Variants in HIVEP3 observed in about 807,000 individuals in gnomAD.
The protein encoded by HIVEP3 is transcription factor HIVEP3.
A neutral mutation model predicts 152.8 loss-of-function variants in HIVEP3; 49 were observed. The ratio of observed to expected loss-of-function variants is 0.32; its 90% CI spans 0.26 to 0.41. The LOEUF is 0.41. Among genes scored for constraint, HIVEP3 ranks in the 10% least tolerant of loss-of-function variants. The probability of loss-of-function intolerance (pLI) is 1.00; values close to 1 mark genes in which losing one functional copy is unlikely to be tolerated. For missense variants in HIVEP3, 2,790 were observed against 3,103.3 expected (o/e 0.90, Z 2.40); for synonymous variants, 1,269 against 1,289.0 (o/e 0.98, Z 0.33).
At chr1:41,817,467 G>T (rs1043443668) in intron 1 of HIVEP3, among the ~76,000 whole-genome samples, 3 of 152,168 alleles carry the variant, frequency 2.0e-5, no homozygotes, top group African/African-American at 7.2e-5. Context: ...GGTTCCTTAC[G>T]TGGGATGCTG....
At chr1:41,772,159 A>G (rs1230606716) in intron 1 of HIVEP3, among the ~76,000 whole-genome samples, 1 of 152,162 alleles carries the variant, frequency 6.6e-6, no homozygotes, top group Non-Finnish European at 1.5e-5. Flanking sequence ...AGGGTTGTGC[A>G]TTCACTCTTT....
intron 2 of HIVEP3, among the ~76,000 whole-genome samples, chr1:41,667,497 A>C (rs1645813618): frequency 6.6e-6 from 1 of 152,254 alleles, no homozygotes; most frequent in South Asian, 2.1e-4. Context: ...GGAAATCAGA[A>C]GATTAGTCAA....
In HIVEP3 at chr1:41,645,941, G is replaced by C. The variant is rs190275615; in HGVS notation, c.-720-16994C>G. Among the ~76,000 whole-genome samples the C allele has an allele frequency of 1.7e-4, 26 of 152,144 alleles. No homozygotes were observed. The East Asian group carries it at 5.0e-3, about 29-fold the overall frequency. On this transcript the variant is annotated intron_variant, in intron 2 of 8. Transcript: ENST00000372583. Reference sequence around the variant, plus strand: ...TTTACTCTCCATGCCACATTTGCACGACCCCGAGGAAAAGCACCTCCTTAA... The same window carrying C: ...TTTACTCTCCATGCCACATTTGCACCACCCCGAGGAAAAGCACCTCCTTAA...
intron 1 of HIVEP3, among the ~76,000 whole-genome samples, chr1:41,788,578 A>G (rs1020108703): frequency 6.6e-6 from 1 of 151,658 alleles, no homozygotes; most frequent in Non-Finnish European, 1.5e-5. Context: ...GGGCAAGCCC[A>G]TTTGCTACAG....
chr1:41,697,411 A>G (rs920008248), intron 2 of HIVEP3, among the ~76,000 whole-genome samples: 1 of 152,230 alleles, frequency 6.6e-6, no homozygotes, highest in African/African-American at 2.4e-5. Context: ...TGAGTTTTGA[A>G]TTATTTCCTG....
Position 41,857,183 on chromosome 1 carries a change from C to T in HIVEP3, c.-801+61230G>A, listed in dbSNP as rs1323309153. ...TCCAAACTGGCCATCCAGCCCTCCT[C>T]CCCCATTCCACAAGAGGCCCCTCTC... On this transcript the variant is annotated intron_variant, in intron 1 of 8. Transcript: ENST00000372583. Among the ~76,000 whole-genome samples, 6 of 152,168 alleles carry T rather than the reference C, an allele frequency of 3.9e-5. No individual in the cohort carries two copies. In the East Asian group the frequency reaches 5.8e-4, roughly 15 times the overall value.
chr1:42,020,153 T>C (rs1645545529), intron 1 of HIVEP3, among the ~76,000 whole-genome samples: 6 of 152,128 alleles, frequency 3.9e-5, no homozygotes, highest in Admixed American at 3.3e-4. Flanking sequence ...GAGTTTGGTC[T>C]TTAATTTTCT....
chr1:41,571,426 A>C (rs1343279829), intron 5 of HIVEP3, among the ~76,000 whole-genome samples: 1 of 152,206 alleles, frequency 6.6e-6, no homozygotes, highest in African/African-American at 2.4e-5. Context: ...GAGCCATCAC[A>C]TCCCTGATGG....
At chr1:41,634,110 G>A (rs1185493594) in intron 2 of HIVEP3, among the ~76,000 whole-genome samples, 1 of 147,046 alleles carries the variant, frequency 6.8e-6, no homozygotes, top group Middle Eastern at 3.2e-3. Flanking sequence ...CACCACCCAC[G>A]CATCTTTTCT....
intron 1 of HIVEP3, among the ~76,000 whole-genome samples, chr1:41,702,410 G>A (rs1454947312): frequency 1.3e-5 from 2 of 151,984 alleles, no homozygotes; most frequent in African/African-American, 2.4e-5. Context: ...TCTTTCTTTG[G>A]TTCATGCCCA....
chr1:41,787,814 C>T (rs1405232015), intron 1 of HIVEP3, among the ~76,000 whole-genome samples: 3 of 151,870 alleles, frequency 2.0e-5, no homozygotes, highest in Admixed American at 6.6e-5. Flanking sequence ...CAATTACAGG[C>T]GTAAGCCTCT....
chr1:41,869,352 A>T (rs780614920), intron 1 of HIVEP3, among the ~76,000 whole-genome samples: 1 of 152,190 alleles, frequency 6.6e-6, no homozygotes, highest in African/African-American at 2.4e-5. Flanking sequence ...ACTAAAGGTG[A>T]CTGCCTTCCT....
chr1:41,545,214 A>T, intron 5 of HIVEP3, among the ~76,000 whole-genome samples: 1 of 133,562 alleles, frequency 7.5e-6, no homozygotes, highest in African/African-American at 2.9e-5. Flanking sequence ...CACTATCGCC[A>T]CCACCACCAT....
At chr1:41,657,780 C>A (rs945802714) in intron 2 of HIVEP3, among the ~76,000 whole-genome samples, 1 of 152,180 alleles carries the variant, frequency 6.6e-6, no homozygotes, top group African/African-American at 2.4e-5. Flanking sequence ...ATATAAACTC[C>A]GGTCTGTGGG....
intron 1 of HIVEP3, among the ~76,000 whole-genome samples, chr1:41,988,254 G>A (rs927158780): frequency 1.3e-5 from 2 of 152,112 alleles, no homozygotes; most frequent in Admixed American, 1.3e-4. Flanking sequence ...ACACTATAAA[G>A]CTTATGCACA....
chr1:41,648,844 G>A (rs1272540299), intron 2 of HIVEP3, among the ~76,000 whole-genome samples: 1 of 152,226 alleles, frequency 6.6e-6, no homozygotes, highest in Admixed American at 6.5e-5. Context: ...TTGATGGAGA[G>A]GACATCGTAT....
chr1:41,855,006 G>A (rs373755620), intron 1 of HIVEP3, among the ~76,000 whole-genome samples: 1 of 77,822 alleles, frequency 1.3e-5, no homozygotes, highest in Non-Finnish European at 2.5e-5. Context: ...TGTCTTTATA[G>A]CAGCATGATT....
intron 1 of HIVEP3, among the ~76,000 whole-genome samples, chr1:42,014,355 C>T (rs909816077): frequency 4.6e-5 from 7 of 151,944 alleles, no homozygotes; most frequent in East Asian, 1.9e-4. Context: ...GAAAGTCACG[C>T]GGCTCCAGCA....
At chr1:42,004,310 A>AT (rs1305058680) in intron 1 of HIVEP3, among the ~76,000 whole-genome samples, 1 of 152,170 alleles carries the variant, frequency 6.6e-6, no homozygotes, top group South Asian at 2.1e-4. Flanking sequence ...ATGACTTCTG[A>AT]TTTTCTCAGT....
Sources: allele counts gnomAD v4.1 joint callset (sites outside exome capture counted in the v4.1 genomes callset), GRCh38; gene constraint gnomAD v4.1.1; transcripts MANE v1.5; gene names NCBI Gene and HGNC (gene_info 2026-07-23, HGNC 2026-07-21).